ZFP92: variants seen among roughly 807,000 people sequenced by gnomAD.
The protein encoded by ZFP92 is zinc finger protein 92 homolog.
Under a neutral mutation model 7.6 loss-of-function variants are expected in ZFP92, and 2 were observed. That is an observed-to-expected ratio of 0.26 (90% CI 0.11 to 0.83). ZFP92 has a LOEUF of 0.83. ZFP92 is among the 40% of genes least tolerant of loss of function. The pLI is 0.65. For synonymous variants in ZFP92, 226 were observed against 183.6 expected, an observed-to-expected ratio of 1.23 and a Z score of -1.87; for missense variants, 324 against 408.3, an observed-to-expected ratio of 0.79 and a Z score of 1.78.
At chrX:153,412,040 T>A (rs1278068369) in intron 2 of ZFP92, among the ~76,000 whole-genome samples, 27 bp downstream of exon 2, 3 of 112,661 alleles carry the variant, frequency 2.7e-5, no homozygotes, top group Admixed American at 9.3e-5. Flanking sequence ...CACCTCTGGG[T>A]GTGAGAGTGC....
Position 153,417,296 on chromosome X carries a change from C to T in ZFP92, c.-18-1009C>T, listed in dbSNP as rs782004513. On this transcript the variant is annotated intron_variant, in intron 2 of 5. Transcript: ENST00000338647. Reference sequence around the variant, plus strand: ...GCCTGTTCCCTAATTTTCAGCACCACGAATGCCAAATGCAGGACCATCTGA... The same window carrying T: ...GCCTGTTCCCTAATTTTCAGCACCATGAATGCCAAATGCAGGACCATCTGA... 2.7e-4 allele frequency among the ~76,000 whole-genome samples: 30 copies of T among 112,492 alleles called. 1 individual carries two copies. The highest frequency in any genetic ancestry group is 1.5e-3 in the South Asian group (4 of 2,722).
chrX:153,417,033 C>G (rs2088957843), intron 2 of ZFP92, among the ~76,000 whole-genome samples: 1 of 111,731 alleles, frequency 9.0e-6, no homozygotes, highest in Admixed American at 9.4e-5. Context: ...CCCCACGACC[C>G]AAACAACTCC....
Position 153,422,072 on chromosome X carries a change from G to A in ZFP92, c.*444G>A, listed in dbSNP as rs1470296660. ...GTAGGGAGGAGGCCACGTGAGGCCA[G>A]TGAGGCCAGCCAGCGCGGGGCACGC... On this transcript the variant is annotated 3_prime_UTR_variant, in exon 6 of 6. Coordinates refer to ENST00000338647, the MANE Select transcript of ZFP92 (RefSeq NM_001136273.2). 1.7e-5 allele frequency: 2 copies of A among 114,536 alleles called. No individual in the cohort carries two copies. Among genetic ancestry groups the A allele is most frequent in the African/African-American group, 6.4e-5 (2 of 31,100 alleles). 9.4% of individuals were successfully genotyped at this position (114,536 alleles called of 1,213,427 possible).
chrX:153,424,199 A>T lies in ZFP92; in HGVS notation c.*2571A>T, dbSNP rs982702226. On this transcript the variant is annotated 3_prime_UTR_variant, in exon 6 of 6. Coordinates refer to ENST00000338647, the MANE Select transcript of ZFP92 (RefSeq NM_001136273.2). ...CAGCAGAAAGTGGAGTTGCCAGGAG[A>T]GATGCTGGGCACTTGCACTGTGACT... The T allele has an allele frequency of 8.9e-6, 1 of 111,820 alleles. No homozygotes were observed. The highest frequency in any genetic ancestry group is 1.9e-5 in the Non-Finnish European group (1 of 53,153). The allele number at this position is 111,820 out of a possible 1,213,427, so 9.2% of individuals were successfully genotyped here. A position where few individuals can be genotyped will look rare whatever the true frequency, so the allele number is the denominator to read the frequency against.
chrX:153,418,992 G>A (rs1377634907), intron 4 of ZFP92, among the ~76,000 whole-genome samples, 193 bp downstream of exon 4: 1 of 112,570 alleles, frequency 8.9e-6, no homozygotes, highest in Non-Finnish European at 1.9e-5. Context: ...TAGCTAAGTG[G>A]TCTGGACCTG....
At position 153,420,364 on chromosome X, in the gene ZFP92, C is replaced by A. The variant is rs782331710; in HGVS notation, c.265+32C>A. 4.8e-6 allele frequency: 5 copies of A among 1,052,597 alleles called. No individual in the cohort carries two copies. In the South Asian group the frequency reaches 1.1e-4, roughly 22 times the overall value. The allele number at this position is 1,052,597 out of a possible 1,213,427, so 86.7% of individuals were successfully genotyped here. The stretch of plus-strand genomic sequence containing the variant: ...GAGAGGTGCTCAACCAGCTCCCCAT[C>A]GGGGTAAAAAGAAATAGCAGTGGCA... On this transcript the variant is annotated intron_variant, in intron 5 of 5. Coordinates refer to ENST00000338647, the MANE Select transcript of ZFP92 (RefSeq NM_001136273.2).
chrX:153,416,303 C>G (rs1569529467), intron 2 of ZFP92, among the ~76,000 whole-genome samples: 1 of 111,707 alleles, frequency 9.0e-6, no homozygotes. Flanking sequence ...TCTTGCAGCC[C>G]TCAAATAATC....
chrX:153,417,552 C>T (rs1364000109), intron 2 of ZFP92, among the ~76,000 whole-genome samples: 4 of 112,164 alleles, frequency 3.6e-5, no homozygotes, highest in African/African-American at 9.7e-5. Flanking sequence ...GGCAGTGGAG[C>T]TTCCAGGAAT....
intron 2 of ZFP92, among the ~76,000 whole-genome samples, chrX:153,416,262 C>T (rs1031148179): frequency 9.0e-6 from 1 of 111,647 alleles, no homozygotes; most frequent in African/African-American, 3.3e-5. Context: ...GACTGTCCCA[C>T]CCTATGTCCC....
rs781880808 is a variant in ZFP92, at chrX:153,420,248, C to T, written c.181C>T (p.His61Tyr). 11 of 1,166,153 alleles carry T rather than the reference C, an allele frequency of 9.4e-6. No individual in the cohort carries two copies. In the African/African-American group the frequency reaches 1.6e-4, roughly 17 times the overall value. ...VSLGFSFSKP[H>Y]LISQLERGEG... is the part of the protein sequence containing the mutation. ...CCCAGGATTTTCCTTCTCCAAGCCTCACCTGATCTCCCAATTGGAACGAGG... is the reference window on the plus strand; with the variant it reads ...CCCAGGATTTTCCTTCTCCAAGCCTTACCTGATCTCCCAATTGGAACGAGG... The change falls in exon 5 of 6, where the codon CAC (histidine) becomes TAC (tyrosine). Residue 61 changes from histidine to tyrosine, a missense_variant. By Grantham distance (83) the His-to-Tyr change is moderately conservative. Coordinates refer to ENST00000338647, the MANE Select transcript of ZFP92 (RefSeq NM_001136273.2).
Position 153,426,423 on chromosome X carries a change from T to C in ZFP92, c.*4795T>C, listed in dbSNP as rs2089043678. On this transcript the variant is annotated 3_prime_UTR_variant, in exon 6 of 6. Coordinates refer to ENST00000338647, the MANE Select transcript of ZFP92 (RefSeq NM_001136273.2). The stretch of plus-strand genomic sequence containing the variant: ...TGTTGAATACCTGTTGATGGACATT[T>C]GGGTTGTTACCAGGTTTTGGCCATG... The C allele has an allele frequency of 9.0e-6, 1 of 111,287 alleles. No individual in the cohort carries two copies. Among genetic ancestry groups the C allele is most frequent in the Non-Finnish European group, 1.9e-5 (1 of 53,119 alleles). 9.2% of individuals were successfully genotyped at this position (111,287 alleles called of 1,213,427 possible). A position where few individuals can be genotyped will look rare whatever the true frequency, so the allele number is the denominator to read the frequency against.
chrX:153,418,743 A>C lies in ZFP92; in HGVS notation c.104A>C (p.Gln35Pro). Reference protein sequence around the residue: ...KTEWKLLDLRQKVLYKRVMLE... With the variant: ...KTEWKLLDLRPKVLYKRVMLE... Reference sequence around the variant, plus strand: ...GAATGGAAGCTTCTGGACCTCAGACAAAAGGTCCTCTACAAGCGGGTGATG... The same window carrying C: ...GAATGGAAGCTTCTGGACCTCAGACCAAAGGTCCTCTACAAGCGGGTGATG... Residue 35 changes from glutamine (Q) to proline (P), a missense_variant, in exon 4 of 6, where the codon CAA becomes CCA. Coordinates refer to ENST00000338647, the MANE Select transcript of ZFP92 (RefSeq NM_001136273.2). 8.6e-7 allele frequency: 1 copy of C among 1,167,966 alleles called. No homozygotes were observed. Among genetic ancestry groups the C allele is most frequent in the Non-Finnish European group, 1.1e-6 (1 of 872,962 alleles).
chrX:153,418,067 G>A (rs781835566), intron 2 of ZFP92, among the ~76,000 whole-genome samples: 1 of 112,204 alleles, frequency 8.9e-6, no homozygotes, highest in Admixed American at 9.4e-5. Flanking sequence ...AGAACCGGGA[G>A]AGAAAAATGT....
At chrX:153,414,492 C>T (rs1200064679) in intron 2 of ZFP92, among the ~76,000 whole-genome samples, 1 of 110,821 alleles carries the variant, frequency 9.0e-6, no homozygotes, top group Non-Finnish European at 1.9e-5. Flanking sequence ...GGACTACAGA[C>T]ACGCGCCACC....
In ZFP92 at chrX:153,421,193, C is replaced by G; in HGVS notation, c.816C>G (p.Ala272=). Residue 272 remains alanine (A), a synonymous_variant, in exon 6 of 6, where the codon GCC becomes GCG. Coordinates refer to ENST00000338647, the MANE Select transcript of ZFP92 (RefSeq NM_001136273.2). ...ACGCGTGCCCAGAGTGCGGCAAGGC[C>G]TTCAGCCGCAGCTCCAACCTCATCG... ...RPYACPECGK[A]FSRSSNLIEH... 1 of 1,187,301 alleles carries G rather than the reference C, an allele frequency of 8.4e-7. No individual in the cohort carries two copies. Among genetic ancestry groups the G allele is most frequent in the Non-Finnish European group, 1.1e-6 (1 of 883,532 alleles).
At chrX:153,420,492 T>A (rs1406167135) in intron 5 of ZFP92, 151 bp from the exon 6 acceptor site, 23 of 920,939 alleles carry the variant, frequency 2.5e-5, no homozygotes, top group Non-Finnish European at 3.2e-5. Flanking sequence ...CTCCAGCCCA[T>A]CCTCCCGCCC....
Position 153,424,849 on chromosome X carries a change from A to G in ZFP92, c.*3221A>G, listed in dbSNP as rs1556976138. The G allele has an allele frequency of 1.8e-5, 2 of 112,564 alleles. No individual in the cohort carries two copies. Among genetic ancestry groups the G allele is most frequent in the African/African-American group, 6.5e-5 (2 of 30,978 alleles). 9.3% of individuals were successfully genotyped at this position (112,564 alleles called of 1,213,427 possible). A position where few individuals can be genotyped will look rare whatever the true frequency, so the allele number is the denominator to read the frequency against. On this transcript the variant is annotated 3_prime_UTR_variant, in exon 6 of 6. Coordinates refer to ENST00000338647, the MANE Select transcript of ZFP92 (RefSeq NM_001136273.2). ...TGGAAATGAGCCCTCTAGTGTAGAG[A>G]GGTTATTCTGAGGGTTTAAACTACA... is the stretch of plus-strand genomic sequence containing the variant.
chrX:153,420,884 G>C lies in ZFP92; in HGVS notation c.507G>C (p.Lys169Asn). 1 of 1,190,024 alleles carries C rather than the reference G, an allele frequency of 8.4e-7. No homozygotes were observed. The highest frequency in any genetic ancestry group is 1.1e-6 in the Non-Finnish European group (1 of 884,491). Residue 169 changes from lysine (K) to asparagine (N), a missense_variant, in exon 6 of 6, where the codon AAG (lysine) becomes AAC (asparagine). By Grantham distance (94) the Lys-to-Asn change is moderately conservative. Coordinates refer to ENST00000338647, the MANE Select transcript of ZFP92 (RefSeq NM_001136273.2). ...KAFSRSSNLI[K>N]HRIIHSGEKP... is the part of the protein sequence containing the mutation. ...TCAGCCGCAGCTCCAACCTCATCAA[G>C]CACCGCATCATCCACAGTGGCGAGA...
At chrX:153,415,231 G>C (rs902440981) in intron 2 of ZFP92, among the ~76,000 whole-genome samples, 3 of 112,800 alleles carry the variant, frequency 2.7e-5, no homozygotes, top group African/African-American at 9.7e-5. Flanking sequence ...TGGGGACTTA[G>C]CAAACTGCCC....
Sources: gnomAD v4.1 joint callset for allele counts (sites outside exome capture counted in the v4.1 genomes callset) on GRCh38, gnomAD v4.1.1 for gene constraint, MANE v1.5 for transcripts, NCBI Gene and HGNC (gene_info 2026-07-23, HGNC 2026-07-21) for gene names.